SRFBP1: variants seen among roughly 807,000 people sequenced by gnomAD.
SRFBP1 encodes serum response factor binding protein 1.
Under a neutral mutation model 45.5 loss-of-function variants are expected in SRFBP1, and 47 were observed. The observed-to-expected ratio is 1.03, with a 90% CI of 0.82 to 1.32. SRFBP1 has a LOEUF of 1.32. Ranked by LOEUF, SRFBP1 falls within the 40% of genes most tolerant of loss-of-function variation. The pLI is 0.00. For synonymous variants in SRFBP1, 203 were observed against 166.3 expected, an observed-to-expected ratio of 1.22 and a Z score of -1.70; for missense variants, 621 against 484.6, an observed-to-expected ratio of 1.28 and a Z score of -2.64.
chr5:122,034,492 A>G (rs1354157095), intron 2 of SRFBP1, among the ~76,000 whole-genome samples: 1 of 151,810 alleles, frequency 6.6e-6, no homozygotes, highest in Non-Finnish European at 1.5e-5. Context: ...CTTTAATGAC[A>G]TTCTTTAACT....
intron 3 of SRFBP1, among the ~76,000 whole-genome samples, chr5:121,993,948 C>A (rs947391648): frequency 2.0e-5 from 3 of 151,702 alleles, no homozygotes; most frequent in Admixed American, 6.6e-5. Flanking sequence ...TAATATTTTA[C>A]TTGATGGAGC....
At chr5:122,044,718 T>C (rs1032059874) in intron 2 of SRFBP1, among the ~76,000 whole-genome samples, 1 of 152,138 alleles carries the variant, frequency 6.6e-6, no homozygotes, top group Admixed American at 6.5e-5. Flanking sequence ...GTTTTTTTCT[T>C]GTGACTTTGT....
At chr5:122,011,160 C>T (rs1434205990) in intron 4 of SRFBP1, among the ~76,000 whole-genome samples, 1 of 152,090 alleles carries the variant, frequency 6.6e-6, no homozygotes, top group Admixed American at 6.5e-5. Flanking sequence ...TTTATAGTCA[C>T]TTTATTTTAG....
chr5:121,991,518 G>A (rs76379351), intron 3 of SRFBP1, among the ~76,000 whole-genome samples: 1 of 152,030 alleles, frequency 6.6e-6, no homozygotes, highest in African/African-American at 2.4e-5. Context: ...TGTAATCTTT[G>A]AATAGGAACA....
intron 2 of SRFBP1, among the ~76,000 whole-genome samples, chr5:122,049,554 C>T (rs1054930614): frequency 4.6e-5 from 7 of 152,134 alleles, no homozygotes; most frequent in Non-Finnish European, 7.4e-5. Context: ...ACTCTCCACC[C>T]GAAATCAACA....
chr5:121,964,241 A>G (rs977757718), intron 1 of SRFBP1, among the ~76,000 whole-genome samples: 4 of 152,066 alleles, frequency 2.6e-5, no homozygotes, highest in African/African-American at 9.7e-5. Flanking sequence ...ACATGTGCAG[A>G]ACGTGCAAGT....
At chr5:122,077,832 C>G (rs774886810), downstream of SRFBP1, 14 of 1,551,896 alleles carry the variant, frequency 9.0e-6, no homozygotes, top group Non-Finnish European at 1.2e-5. The surrounding 1 kb of genome is among the most constrained non-coding windows in gnomAD (Gnocchi z 4.9). Context: ...AACACCTGCC[C>G]GTTGTTCTCC....
chr5:122,077,837 T>A, downstream of SRFBP1: 2 of 1,552,910 alleles, frequency 1.3e-6, no homozygotes, highest in Non-Finnish European at 1.7e-6. This position sits in a 1 kb window ranked among gnomAD's most constrained non-coding sequence, Gnocchi z 4.9. Flanking sequence ...CTGCCCGTTG[T>A]TCTCCCATTG....
At chr5:122,072,308 A>G (rs942540700) in intron 2 of SRFBP1, among the ~76,000 whole-genome samples, 2 of 152,244 alleles carry the variant, frequency 1.3e-5, no homozygotes, top group East Asian at 3.8e-4. Flanking sequence ...ACGAGTTACT[A>G]AGGCAAATAG....
chr5:122,022,840 T>G (rs1294352696), intron 7 of SRFBP1, among the ~76,000 whole-genome samples: 2 of 152,204 alleles, frequency 1.3e-5, no homozygotes, highest in Non-Finnish European at 2.9e-5. Flanking sequence ...TTGGGTAGAG[T>G]GACTTCTCAC....
At chr5:122,021,613 T>A (rs114312384) in intron 6 of SRFBP1, among the ~76,000 whole-genome samples, 3,559 of 151,912 alleles carry the variant, frequency 0.023, 144 homozygotes, top group African/African-American at 0.081. Flanking sequence ...AAAGCTGCAC[T>A]TTTTTCCACA....
chr5:122,052,459 T>C (rs1293094260), intron 2 of SRFBP1, among the ~76,000 whole-genome samples: 1 of 152,212 alleles, frequency 6.6e-6, no homozygotes, highest in Non-Finnish European at 1.5e-5. Flanking sequence ...TTATTCTTTT[T>C]TCTTTATTTT....
chr5:121,998,572 G>T (rs755924406), intron 4 of SRFBP1, among the ~76,000 whole-genome samples: 1 of 147,246 alleles, frequency 6.8e-6, no homozygotes, highest in African/African-American at 2.5e-5. Context: ...GCTAGATGAC[G>T]AGTTAGTGGG....
intron 2 of SRFBP1, among the ~76,000 whole-genome samples, chr5:122,059,971 C>T (rs1754145470): frequency 6.6e-6 from 1 of 152,036 alleles, no homozygotes; most frequent in Non-Finnish European, 1.5e-5. Flanking sequence ...TTTGCCTTGA[C>T]CCTCCTTTTT....
chr5:122,018,853 C>A (rs980199712), intron 4 of SRFBP1, among the ~76,000 whole-genome samples: 1 of 152,098 alleles, frequency 6.6e-6, no homozygotes, highest in African/African-American at 2.4e-5. Context: ...TCAAGTATTA[C>A]AGTAGTCTCA....
At chr5:122,050,921 T>G (rs79933510) in intron 2 of SRFBP1, among the ~76,000 whole-genome samples, 12,262 of 152,114 alleles carry the variant, frequency 0.081, 783 homozygotes, top group African/African-American at 0.17. Context: ...CGCTGTCTTA[T>G]CTGTGTCCTA....
intron 4 of SRFBP1, among the ~76,000 whole-genome samples, chr5:122,014,791 C>T (rs749914605): frequency 2.0e-5 from 3 of 152,130 alleles, no homozygotes; most frequent in Non-Finnish European, 4.4e-5. Flanking sequence ...ACTAGACATG[C>T]AAGTATTACC....
intron 2 of SRFBP1, among the ~76,000 whole-genome samples, chr5:122,047,736 G>A (rs1234216580): frequency 1.3e-5 from 2 of 152,144 alleles, no homozygotes; most frequent in African/African-American, 4.8e-5. Context: ...GCAGTGGTTT[G>A]TAGTTCTCCT....
chr5:122,049,472 C>T (rs1356409381), intron 2 of SRFBP1, among the ~76,000 whole-genome samples: 3 of 152,122 alleles, frequency 2.0e-5, no homozygotes, highest in African/African-American at 4.8e-5. Context: ...ATCAACGAGA[C>T]AGAAAGTTAA....
Sources: allele counts gnomAD v4.1 joint callset (sites outside exome capture counted in the v4.1 genomes callset), GRCh38; gene constraint gnomAD v4.1.1; non-coding constraint Gnocchi (gnomAD v3.1); transcripts MANE v1.5; gene names NCBI Gene and HGNC (gene_info 2026-07-23, HGNC 2026-07-21).